KIF18A: variants seen among roughly 807,000 people sequenced by gnomAD.
KIF18A encodes kinesin family member 18A.
In KIF18A, 67 loss-of-function variants were observed where a neutral mutation model predicts 103.3. The ratio of observed to expected loss-of-function variants is 0.65; its 90% CI spans 0.53 to 0.79. The LOEUF is 0.79. Ranked by LOEUF, KIF18A falls within the 30% of genes least tolerant of loss-of-function variation. The pLI is 0.00. For missense variants in KIF18A, 1,032 were observed against 1,062.5 expected, an observed-to-expected ratio of 0.97 and a Z score of 0.40; for synonymous variants, 367 against 355.5, an observed-to-expected ratio of 1.03 and a Z score of -0.36.
chr11:28,056,960 T>C lies in KIF18A; in HGVS notation c.1948+1966A>G, dbSNP rs1052053318. 8.0e-6 allele frequency: 3 copies of C among 376,468 alleles called. No individual in the cohort carries two copies. In the Admixed American group the frequency reaches 1.2e-4, roughly 15 times the overall value. The allele number at this position is 376,468 out of a possible 1,614,324, so 23.3% of individuals were successfully genotyped here. A position where few individuals can be genotyped will look rare whatever the true frequency, so the allele number is the denominator to read the frequency against. On this transcript the variant is annotated intron_variant, in intron 13 of 16. Coordinates refer to ENST00000263181, the MANE Select transcript of KIF18A (RefSeq NM_031217.4). Reference sequence around the variant, plus strand: ...CAGATCCCAAGAAAATTCCCCATAATGGAAAATATAGGCAGATTTGACTAT... The same window carrying C: ...CAGATCCCAAGAAAATTCCCCATAACGGAAAATATAGGCAGATTTGACTAT...
In KIF18A at chr11:28,082,700, TTATG is replaced by T. The variant is rs971499954; in HGVS notation, c.1262+152_1262+155del. Among the ~76,000 whole-genome samples, 8 of 152,056 alleles carry T rather than the reference TTATG, an allele frequency of 5.3e-5. No individual in the cohort carries two copies. In the East Asian group the frequency reaches 1.2e-3, roughly 22 times the overall value. On this transcript the variant is annotated intron_variant, in intron 9 of 16. Coordinates refer to ENST00000263181, the MANE Select transcript of KIF18A (RefSeq NM_031217.4). Reference sequence around the variant, plus strand: ...CTGCAATATCTCTGAGTCAAGCCTGTTATGTATGTATGTATGTATGTGTGTATAT... The same window carrying T: ...CTGCAATATCTCTGAGTCAAGCCTGTTATGTATGTATGTATGTGTGTATAT...
At chr11:28,079,471 A>G (rs1268519842) in intron 9 of KIF18A, among the ~76,000 whole-genome samples, 1 of 152,102 alleles carries the variant, frequency 6.6e-6, no homozygotes, top group Non-Finnish European at 1.5e-5. Flanking sequence ...CACAAATGCA[A>G]TTTTAAAAAA....
intron 7 of KIF18A, among the ~76,000 whole-genome samples, chr11:28,083,636 G>A (rs930075744): frequency 9.9e-5 from 15 of 152,150 alleles, no homozygotes; most frequent in Admixed American, 2.6e-4. Context: ...TTATGGTATA[G>A]TAGAGAGGAT....
intron 13 of KIF18A, among the ~76,000 whole-genome samples, chr11:28,042,201 A>G (rs1850569007): frequency 1.3e-5 from 2 of 151,882 alleles, no homozygotes; most frequent in South Asian, 4.1e-4. Flanking sequence ...AGTAGGAAAC[A>G]GTCCTAGAAC....
At chr11:28,041,223 G>T (rs561278889) in intron 13 of KIF18A, among the ~76,000 whole-genome samples, 2 of 151,900 alleles carry the variant, frequency 1.3e-5, no homozygotes, top group African/African-American at 4.8e-5. Context: ...AATAAATTAG[G>T]ATGATAAATT....
At chr11:28,094,017 C>A (rs1851335598) in intron 3 of KIF18A, among the ~76,000 whole-genome samples, 1 of 152,136 alleles carries the variant, frequency 6.6e-6, no homozygotes, top group African/African-American at 2.4e-5. Flanking sequence ...ACGGCTTAAG[C>A]CTTTTTTGAT....
At chr11:28,029,621 A>C (rs1378458301) in intron 15 of KIF18A, among the ~76,000 whole-genome samples, 1 of 152,208 alleles carries the variant, frequency 6.6e-6, no homozygotes, top group Non-Finnish European at 1.5e-5. Context: ...AACTGGCACA[A>C]GACAGGGATG....
chr11:28,095,143 G>A (rs1046897826), intron 2 of KIF18A, among the ~76,000 whole-genome samples: 7 of 152,126 alleles, frequency 4.6e-5, no homozygotes, highest in African/African-American at 9.7e-5. Flanking sequence ...ATTGGAATAC[G>A]TTAAACCTTC....
intron 13 of KIF18A, among the ~76,000 whole-genome samples, chr11:28,054,302 C>T (rs1850751116): frequency 1.3e-5 from 2 of 151,778 alleles, no homozygotes; most frequent in Admixed American, 1.3e-4. Context: ...CCTCAACTTC[C>T]CAAGCTGAAG....
At chr11:28,034,097 A>C (rs1319067950) in intron 15 of KIF18A, among the ~76,000 whole-genome samples, 1 of 151,734 alleles carries the variant, frequency 6.6e-6, no homozygotes, top group Non-Finnish European at 1.5e-5. Flanking sequence ...AGTAAATTCT[A>C]TATTTTCAGT....
chr11:28,066,720 G>T (rs1850932373), intron 11 of KIF18A, among the ~76,000 whole-genome samples: 1 of 150,780 alleles, frequency 6.6e-6, no homozygotes, highest in Non-Finnish European at 1.5e-5. Flanking sequence ...ACACAGCTTT[G>T]AACAGATTCT....
chr11:28,070,766 G>A (rs963908897), intron 10 of KIF18A, among the ~76,000 whole-genome samples: 4 of 152,236 alleles, frequency 2.6e-5, no homozygotes, highest in Non-Finnish European at 5.9e-5. Context: ...TGCAGGCTGG[G>A]ATGGTGGCTC....
At chr11:28,056,844 G>T in intron 13 of KIF18A, 2 of 234,404 alleles carry the variant, frequency 8.5e-6, no homozygotes, top group East Asian at 1.7e-4. Flanking sequence ...CTAAATGTGT[G>T]CTGGGACACA....
intron 13 of KIF18A, 33 bp from the exon 14 acceptor site, chr11:28,036,697 A>C: frequency 7.3e-7 from 1 of 1,370,158 alleles, no homozygotes. Flanking sequence ...ACACTCGATA[A>C]TGTTTCCTAG....
At chr11:28,059,891 C>T (rs1364900965) in intron 12 of KIF18A, among the ~76,000 whole-genome samples, 2 of 152,054 alleles carry the variant, frequency 1.3e-5, no homozygotes, top group Non-Finnish European at 2.9e-5. Flanking sequence ...TTAAAACACA[C>T]ACACACACAC....
chr11:28,094,324 C>T (rs909646775), intron 3 of KIF18A, among the ~76,000 whole-genome samples: 2 of 152,042 alleles, frequency 1.3e-5, no homozygotes, highest in Non-Finnish European at 2.9e-5. Context: ...TTTTACAAGT[C>T]TGCAACCTAG....
At chr11:28,096,518 T>C (rs1409844765) in intron 2 of KIF18A, among the ~76,000 whole-genome samples, 1 of 152,156 alleles carries the variant, frequency 6.6e-6, no homozygotes, top group African/African-American at 2.4e-5. Context: ...AAACCAAAAA[T>C]TCAATAGTAG....
chr11:28,043,786 A>G (rs1049747253), intron 13 of KIF18A, among the ~76,000 whole-genome samples: 2 of 151,992 alleles, frequency 1.3e-5, no homozygotes, highest in Admixed American at 1.3e-4. Context: ...ATATAATCCA[A>G]TTCATCAAAA....
At chr11:28,103,265 G>A (rs1417897327) in intron 1 of KIF18A, among the ~76,000 whole-genome samples, 1 of 150,368 alleles carries the variant, frequency 6.7e-6, no homozygotes, top group African/African-American at 2.4e-5. Flanking sequence ...GCTCATTAGA[G>A]TATTTTGGAT....
Sources: gnomAD v4.1 joint callset for allele counts (sites outside exome capture counted in the v4.1 genomes callset) on GRCh38, gnomAD v4.1.1 for gene constraint, MANE v1.5 for transcripts, NCBI Gene and HGNC (gene_info 2026-07-23, HGNC 2026-07-21) for gene names.